Variants in SULF2 observed in about 807,000 individuals in gnomAD.
The protein encoded by SULF2 is extracellular sulfatase Sulf-2.
SULF2 carries 52 observed loss-of-function variants against 107.7 expected under a neutral mutation model. The ratio of observed to expected loss-of-function variants is 0.48; its 90% CI spans 0.39 to 0.61. The LOEUF (loss-of-function observed/expected upper bound fraction) is 0.61, where lower values mean the gene tolerates loss of function less well. SULF2 is among the 20% of genes least tolerant of loss of function. The pLI is 0.00. For missense variants in SULF2, 993 were observed against 1,177.3 expected, an observed-to-expected ratio of 0.84 and a Z score of 2.29; for synonymous variants, 460 against 464.3, an observed-to-expected ratio of 0.99 and a Z score of 0.12.
Position 47,697,756 on chromosome 20 carries a change from G to C in SULF2, c.567+4763C>G, listed in dbSNP as rs1451053896. ...TGTGTGGGCAGGAAACAGGGCAAAA[G>C]GACGGACGTTCTATGTCCCCATGCT... On this transcript the variant is annotated intron_variant, in intron 4 of 20. Transcript: ENST00000688720. 7.0e-4 allele frequency among the ~76,000 whole-genome samples: 107 copies of C among 152,206 alleles called. 1 individual carries two copies. The highest frequency in any genetic ancestry group is 8.8e-5 in the Non-Finnish European group (6 of 68,040).
At chr20:47,737,735 C>T (rs927849895) in intron 2 of SULF2, among the ~76,000 whole-genome samples, 31 of 139,376 alleles carry the variant, frequency 2.2e-4, no homozygotes, top group African/African-American at 8.4e-4. Context: ...CATGCCTGCT[C>T]TTGTTTCTTT....
chr20:47,689,960 A>C (rs1331950233), intron 5 of SULF2, 166 bp downstream of exon 5: 15 of 664,290 alleles, frequency 2.3e-5, no homozygotes, highest in Non-Finnish European at 2.8e-5. Context: ...CTGGAGTTGC[A>C]TCCCAGTTTC....
intron 2 of SULF2, among the ~76,000 whole-genome samples, chr20:47,756,898 G>A (rs867363385): frequency 2.0e-5 from 3 of 152,092 alleles, no homozygotes; most frequent in African/African-American, 4.8e-5. Flanking sequence ...CACCTGCCTC[G>A]GCCTCCCAAC....
Position 47,678,508 on chromosome 20 carries a change from G to GGGACCATGCTTCTCTCCCACGT in SULF2, c.1193+167_1193+168insACGTGGGAGAGAAGCATGGTCC. 1 of 863,048 alleles carries GGGACCATGCTTCTCTCCCACGT rather than the reference G, an allele frequency of 1.2e-6. No homozygotes were observed. Among genetic ancestry groups the GGGACCATGCTTCTCTCCCACGT allele is most frequent in the Non-Finnish European group, 1.8e-6 (1 of 557,934 alleles). The allele number at this position is 863,048 out of a possible 1,614,324, so 53.5% of individuals were successfully genotyped here. On this transcript the variant is annotated intron_variant, in intron 8 of 20. Coordinates refer to ENST00000688720, the MANE Select transcript of SULF2 (RefSeq NM_001387048.1). The surrounding 1 kb of genome is among the most constrained non-coding windows in gnomAD (Gnocchi z 4.5). ...GATGGGAAGACAGAATCTCGGAGAG[G>GGGACCATGCTTCTCTCCCACGT]GGACCATGCTTCTCTCCCACAGCAG...
At chr20:47,749,112 C>A (rs1362831535) in intron 2 of SULF2, among the ~76,000 whole-genome samples, 2 of 151,832 alleles carry the variant, frequency 1.3e-5, no homozygotes, top group African/African-American at 4.8e-5. Flanking sequence ...GTTCTAACCA[C>A]AAGGTGACTT....
At chr20:47,772,624 G>A (rs1330526798) in intron 1 of SULF2, among the ~76,000 whole-genome samples, 2 of 152,086 alleles carry the variant, frequency 1.3e-5, no homozygotes, top group East Asian at 2.0e-4. Context: ...AGGTTTTTAC[G>A]TTGGAAATGG....
chr20:47,676,980 G>C (rs923442914), intron 9 of SULF2, 98 bp downstream of exon 9: 7 of 1,328,928 alleles, frequency 5.3e-6, no homozygotes, highest in East Asian at 2.3e-5. Flanking sequence ...AGAGCCATGG[G>C]CAGCTCCTGA....
At chr20:47,665,613 C>A (rs1241603110) in intron 13 of SULF2, among the ~76,000 whole-genome samples, 8 of 152,228 alleles carry the variant, frequency 5.3e-5, no homozygotes, top group Non-Finnish European at 5.9e-5. Flanking sequence ...GTAGCGTAGA[C>A]TTCTTGTAAG....
intron 2 of SULF2, among the ~76,000 whole-genome samples, chr20:47,754,550 T>C (rs2090236131): frequency 6.6e-6 from 1 of 152,168 alleles, no homozygotes; most frequent in African/African-American, 2.4e-5. Context: ...AGGGCAAGAC[T>C]TGTAGGCCCT....
At chr20:47,782,394 G>T (rs922602350) in intron 1 of SULF2, among the ~76,000 whole-genome samples, 2 of 152,190 alleles carry the variant, frequency 1.3e-5, no homozygotes, top group African/African-American at 4.8e-5. Context: ...CTTCAATCCG[G>T]CTGGGCCAGG....
rs973657204 is a variant in SULF2, at chr20:47,707,843, A to G, written c.416-5173T>C. Among the ~76,000 whole-genome samples the G allele has an allele frequency of 2.0e-5, 3 of 152,202 alleles. No individual in the cohort carries two copies. In the East Asian group the frequency reaches 5.8e-4, roughly 29 times the overall value. On this transcript the variant is annotated intron_variant, in intron 3 of 20. Transcript: ENST00000688720. Reference sequence around the variant, plus strand: ...TTTGTTACACCCCTACAGAGCCCCGACACTTTCTACTCGTGGCAAACAATA... The same window carrying G: ...TTTGTTACACCCCTACAGAGCCCCGGCACTTTCTACTCGTGGCAAACAATA...
chr20:47,686,740 A>G (rs759109275), intron 5 of SULF2, among the ~76,000 whole-genome samples: 10 of 152,160 alleles, frequency 6.6e-5, no homozygotes, highest in Non-Finnish European at 1.3e-4. Context: ...GCAGCTGTGG[A>G]CACCGTTGCT....
At chr20:47,759,694 A>C (rs969996837) in intron 1 of SULF2, among the ~76,000 whole-genome samples, 3 of 152,082 alleles carry the variant, frequency 2.0e-5, no homozygotes, top group Non-Finnish European at 2.9e-5. Context: ...TCCGTCTCAA[A>C]AACAACAACA....
chr20:47,680,451 G>A lies in SULF2; in HGVS notation c.1065-1647C>T, dbSNP rs1335005484. Among the ~76,000 whole-genome samples, 1 of 152,220 alleles carries A rather than the reference G, an allele frequency of 6.6e-6. No individual in the cohort carries two copies. The highest frequency in any genetic ancestry group is 1.9e-4 in the East Asian group (1 of 5,190). On this transcript the variant is annotated intron_variant, in intron 7 of 20. Transcript: ENST00000688720. This position sits in a 1 kb window ranked among gnomAD's most constrained non-coding sequence, Gnocchi z 4.2. ...CCAATGTAGGGTAAGGGACTTAAGG[G>A]GTGTGCCCAGCACAGGACCCAGGAC...
At chr20:47,778,958 C>T (rs1036232913) in intron 1 of SULF2, among the ~76,000 whole-genome samples, 8 of 152,172 alleles carry the variant, frequency 5.3e-5, no homozygotes, top group East Asian at 1.9e-4. Flanking sequence ...TTGCCAGCCC[C>T]GACCGGCTGC....
At chr20:47,747,757 C>A (rs2146856205) in intron 2 of SULF2, among the ~76,000 whole-genome samples, 1 of 152,128 alleles carries the variant, frequency 6.6e-6, no homozygotes, top group South Asian at 2.1e-4. Context: ...TTCCTCCTGC[C>A]CCCGCCTTCC....
intron 1 of SULF2, among the ~76,000 whole-genome samples, chr20:47,771,263 T>G (rs2090625211): frequency 6.6e-6 from 1 of 151,514 alleles, no homozygotes; most frequent in African/African-American, 2.4e-5. Flanking sequence ...GACCCAAGGG[T>G]GTTAAAGCCA....
chr20:47,699,686 A>G (rs2088500351), intron 4 of SULF2, among the ~76,000 whole-genome samples: 1 of 152,186 alleles, frequency 6.6e-6, no homozygotes, highest in Non-Finnish European at 1.5e-5. Context: ...CTGCAGGCCC[A>G]TGGGTCAGGC....
At chr20:47,740,586 C>T (rs905254572) in intron 2 of SULF2, among the ~76,000 whole-genome samples, 2 of 152,142 alleles carry the variant, frequency 1.3e-5, no homozygotes, top group African/African-American at 4.8e-5. Flanking sequence ...GCTTGGTTTC[C>T]TTCTACTTAG....
Sources: allele counts gnomAD v4.1 joint callset (sites outside exome capture counted in the v4.1 genomes callset), GRCh38; gene constraint gnomAD v4.1.1; non-coding constraint Gnocchi (gnomAD v3.1); transcripts MANE v1.5; gene names NCBI Gene and HGNC (gene_info 2026-07-23, HGNC 2026-07-21).